The following ZNF292 variants were observed in gnomAD, a reference collection of about 807,000 sequenced individuals.
ZNF292 encodes the protein zinc finger protein 292.
In ZNF292, 26 loss-of-function variants were observed where a neutral mutation model predicts 217.9. The observed-to-expected ratio is 0.12, with a 90% CI of 0.09 to 0.17. The LOEUF is 0.17. Among genes scored for constraint, ZNF292 ranks in the 10% least tolerant of loss-of-function variants. The pLI is 1.00. For missense variants in ZNF292, 2,904 were observed against 3,175.2 expected, an observed-to-expected ratio of 0.91 and a Z score of 2.05; for synonymous variants, 1,257 against 1,124.1, an observed-to-expected ratio of 1.12 and a Z score of -2.37.
intron 1 of ZNF292, among the ~76,000 whole-genome samples, chr6:87,188,754 T>C (rs1771736092): frequency 1.3e-5 from 2 of 149,316 alleles, no homozygotes; most frequent in Admixed American, 6.7e-5. Context: ...CACTGTTGTT[T>C]TGGCTGTTTT....
intron 5 of ZNF292, among the ~76,000 whole-genome samples, chr6:87,238,674 G>T (rs1257374206): frequency 4.2e-5 from 6 of 143,358 alleles, no homozygotes; most frequent in African/African-American, 7.8e-5. Flanking sequence ...ATTTCTTTTT[G>T]GTTTTGATTT....
chr6:87,235,444 T>A (rs1419482021), intron 5 of ZNF292, among the ~76,000 whole-genome samples: 1 of 152,048 alleles, frequency 6.6e-6, no homozygotes. Flanking sequence ...TAAAGGTGAA[T>A]AAGGGGTAGG....
intron 1 of ZNF292, among the ~76,000 whole-genome samples, chr6:87,207,090 C>A (rs1202822549): frequency 6.6e-6 from 1 of 152,182 alleles, no homozygotes; most frequent in African/African-American, 2.4e-5. Flanking sequence ...GCTGGTACAT[C>A]TTTGATTTGC....
rs938011480 is a variant in ZNF292 at position 87,265,271 on chromosome 6, C to T, written c.*3470C>T. On this transcript the variant is annotated 3_prime_UTR_variant, in exon 8 of 8. Transcript: ENST00000369577. ...CTGGGACTACAGATGCATGCTATCA[C>T]ACCCAGCTAATTTTGTAGTTTTGGC... is the stretch of plus-strand genomic sequence containing the variant. 1.3e-5 allele frequency among the ~76,000 whole-genome samples: 2 copies of T among 152,042 alleles called. No individual in the cohort carries two copies. Among genetic ancestry groups the T allele is most frequent in the African/African-American group, 4.8e-5 (2 of 41,408 alleles).
At chr6:87,250,093 TAA>T (rs1314147174) in intron 7 of ZNF292, among the ~76,000 whole-genome samples, 1 of 150,792 alleles carries the variant, frequency 6.6e-6, no homozygotes, top group Non-Finnish European at 1.5e-5. Context: ...TATGTTAATT[TAA>T]AATACAGTTG....
chr6:87,168,449 T>TAGGA (rs1770985187), intron 1 of ZNF292, among the ~76,000 whole-genome samples: 1 of 152,210 alleles, frequency 6.6e-6, no homozygotes, highest in African/African-American at 2.4e-5. Context: ...GCCTGATATA[T>TAGGA]AGGAGGTGAT....
intron 7 of ZNF292, among the ~76,000 whole-genome samples, chr6:87,246,936 C>T (rs1774620953): frequency 6.6e-6 from 1 of 152,160 alleles, no homozygotes; most frequent in South Asian, 2.1e-4. Context: ...GGGTGGATCA[C>T]ATAAGCCCAG....
In ZNF292 at chr6:87,256,452, GTC is replaced by G; in HGVS notation, c.2828_2829del (p.Leu943GlnfsTer5). On this transcript the variant is annotated frameshift_variant, in exon 8 of 8. Coordinates refer to ENST00000369577, the MANE Select transcript of ZNF292 (RefSeq NM_015021.3). LOFTEE classifies it high-confidence loss of function. ...SSEVAVSIKV[S>X]LNQGIEDNFG... Reference sequence around the variant, plus strand: ...GTGAAGTAGCTGTGTCCATTAAGGTGTCTCTCAATCAGGGGATTGAGGATAAC... The same window carrying G: ...GTGAAGTAGCTGTGTCCATTAAGGTGTCTCAATCAGGGGATTGAGGATAAC... 1 of 1,607,904 alleles carries G rather than the reference GTC, an allele frequency of 6.2e-7. No individual in the cohort carries two copies. Among genetic ancestry groups the G allele is most frequent in the Non-Finnish European group, 8.5e-7 (1 of 1,179,802 alleles).
chr6:87,166,612 C>G (rs1302367146), intron 1 of ZNF292, among the ~76,000 whole-genome samples: 1 of 152,218 alleles, frequency 6.6e-6, no homozygotes, highest in African/African-American at 2.4e-5. Context: ...CTGGTCTGCA[C>G]TTGCTCTGAG....
At chr6:87,216,123 AC>A in intron 2 of ZNF292, 66 bp downstream of exon 2, 1 of 266,728 alleles carries the variant, frequency 3.7e-6, no homozygotes, top group Non-Finnish European at 5.0e-6. Context: ...ACACACACAC[AC>A]ACACACACAC....
chr6:87,183,598 T>C (rs1342532329), intron 1 of ZNF292, among the ~76,000 whole-genome samples: 1 of 152,218 alleles, frequency 6.6e-6, no homozygotes, highest in Non-Finnish European at 1.5e-5. Context: ...AAAAGATGTT[T>C]ATTTACATTT....
At chr6:87,245,866 G>A (rs1344374187) in intron 7 of ZNF292, among the ~76,000 whole-genome samples, 1 of 152,184 alleles carries the variant, frequency 6.6e-6, no homozygotes, top group Non-Finnish European at 1.5e-5. Flanking sequence ...AAAGTAATAT[G>A]TAATACTTAA....
At chr6:87,219,271 T>TC (rs1270736762) in intron 4 of ZNF292, among the ~76,000 whole-genome samples, 1 of 152,166 alleles carries the variant, frequency 6.6e-6, no homozygotes, top group African/African-American at 2.4e-5. Context: ...GAGTTTAAAA[T>TC]TTATATAGAC....
At chr6:87,240,170 C>T (rs968032120) in intron 5 of ZNF292, among the ~76,000 whole-genome samples, 10 of 151,652 alleles carry the variant, frequency 6.6e-5, no homozygotes, top group Non-Finnish European at 1.0e-4. Flanking sequence ...GCCAACACAG[C>T]GAAACCCCGT....
At chr6:87,253,437 C>A (rs1257445715) in intron 7 of ZNF292, among the ~76,000 whole-genome samples, 1 of 151,720 alleles carries the variant, frequency 6.6e-6, no homozygotes, top group Non-Finnish European at 1.5e-5. Context: ...CCTATGTTGC[C>A]CAGGTTGGTC....
intron 1 of ZNF292, among the ~76,000 whole-genome samples, chr6:87,181,592 G>A (rs1479434085): frequency 1.3e-5 from 2 of 152,126 alleles, no homozygotes; most frequent in East Asian, 1.9e-4. Context: ...GCATTTGCCG[G>A]GGATCTGCCC....
In ZNF292 at chr6:87,254,848, G is replaced by A; in HGVS notation, c.1219G>A (p.Glu407Lys). 1.2e-6 allele frequency: 2 copies of A among 1,613,856 alleles called. No homozygotes were observed. Among genetic ancestry groups the A allele is most frequent in the Non-Finnish European group, 1.7e-6 (2 of 1,179,816 alleles). The change falls in exon 8 of 8, where the codon GAA (glutamate) becomes AAA (lysine). Residue 407 changes from glutamate to lysine, a missense_variant. Glu to Lys is a moderately conservative substitution (Grantham distance 56, BLOSUM62 1). Around this residue, in one of 15 missense-constraint regions of ZNF292, gnomAD observed 313 missense variants for 451.0 expected, o/e 0.69. Transcript: ENST00000369577. Reference sequence around the variant, plus strand: ...TACAGTAGATGCGTATTATGCTGTGGAAATGTTGTATAATCAGCCAGACCA... The same window carrying A: ...TACAGTAGATGCGTATTATGCTGTGAAAATGTTGTATAATCAGCCAGACCA... ...EPTVDAYYAV[E>K]MLYNQPDQKY...
At chr6:87,226,654 T>G (rs923359517) in intron 4 of ZNF292, among the ~76,000 whole-genome samples, 1 of 98,448 alleles carries the variant, frequency 1.0e-5, no homozygotes, top group Non-Finnish European at 1.9e-5. Flanking sequence ...TATCTATATA[T>G]ATATAGATAT....
chr6:87,233,515 G>C lies in ZNF292; in HGVS notation c.729G>C (p.Lys243Asn). 6.2e-7 allele frequency: 1 copy of C among 1,610,134 alleles called. No individual in the cohort carries two copies. Among genetic ancestry groups the C allele is most frequent in the South Asian group, 1.1e-5 (1 of 89,992 alleles). ...TTTGTACATCATCACCAAATGGAAA[G>C]TTAATCGAAGAGGTGAGTATGTTTT... ...VCLCTSSPNG[K>N]LIEEISEVDC... is the part of the protein sequence containing the mutation. The change falls in exon 5 of 8, where the codon AAG (lysine) becomes AAC (asparagine). Residue 243 changes from lysine to asparagine, a missense_variant. Coordinates refer to ENST00000369577, the MANE Select transcript of ZNF292 (RefSeq NM_015021.3).
Sources: gnomAD v4.1 joint callset for allele counts (sites outside exome capture counted in the v4.1 genomes callset) on GRCh38, gnomAD v4.1.1 for gene constraint, gnomAD v4.1.1 regional missense constraint, MANE v1.5 for transcripts, NCBI Gene and HGNC (gene_info 2026-07-23, HGNC 2026-07-21) for gene names.